Variants in DGKB observed in about 807,000 individuals in gnomAD.
DGKB encodes the protein 90 kDa diacylglycerol kinase.
Under a neutral mutation model 114.3 loss-of-function variants are expected in DGKB, and 67 were observed. The observed-to-expected ratio is 0.59, with a 90% CI of 0.48 to 0.72. DGKB has a LOEUF of 0.72. Ranked by LOEUF, DGKB falls within the 30% of genes least tolerant of loss-of-function variation. The probability of loss-of-function intolerance (pLI) is 0.00; values close to 1 mark genes in which losing one functional copy is unlikely to be tolerated. For missense variants in DGKB, 907 were observed against 975.2 expected, an observed-to-expected ratio of 0.93 and a Z score of 0.93; for synonymous variants, 398 against 323.1, an observed-to-expected ratio of 1.23 and a Z score of -2.49.
At chr7:14,474,201 T>C (rs1023248436) in intron 21 of DGKB, among the ~76,000 whole-genome samples, 7 of 152,108 alleles carry the variant, frequency 4.6e-5, no homozygotes, top group Non-Finnish European at 8.8e-5. Context: ...TGGGGGTAAG[T>C]TTTTCCCATG....
chr7:14,264,557 T>C (rs1374461554), intron 23 of DGKB, among the ~76,000 whole-genome samples: 1 of 152,138 alleles, frequency 6.6e-6, no homozygotes, highest in African/African-American at 2.4e-5. Context: ...GGCCTAAACC[T>C]TAAGAAAGTC....
At chr7:14,971,073 C>T (rs1381152424) in intron 1 of DGKB, among the ~76,000 whole-genome samples, 1 of 152,114 alleles carries the variant, frequency 6.6e-6, no homozygotes, top group African/African-American at 2.4e-5. Flanking sequence ...ACAATGAAAA[C>T]AGAACTAAGT....
At chr7:14,361,334 A>C (rs1815699890) in intron 21 of DGKB, among the ~76,000 whole-genome samples, 1 of 152,064 alleles carries the variant, frequency 6.6e-6, no homozygotes, top group Non-Finnish European at 1.5e-5. Flanking sequence ...AATGATAAGA[A>C]ATAAGAATCG....
At position 14,451,545 on chromosome 7, in the gene DGKB, G is replaced by GTCTCTCTCTCTCTC. The variant is rs34641587; in HGVS notation, c.1835+26602_1835+26615dup. On this transcript the variant is annotated intron_variant, in intron 21 of 25. Transcript: ENST00000402815. The stretch of plus-strand genomic sequence containing the variant: ...TTCCTTATAATAAATCTCTCTATCT[G>GTCTCTCTCTCTCTC]TCTCTCTCTCTCTCTCTCTCTCTCT... Among the ~76,000 whole-genome samples the GTCTCTCTCTCTCTC allele has an allele frequency of 1.9e-3, 270 of 141,158 alleles. 8 individuals are homozygous for GTCTCTCTCTCTCTC. Among genetic ancestry groups the GTCTCTCTCTCTCTC allele is most frequent in the Admixed American group, 0.016 (222 of 14,010 alleles). 92.6% of individuals were successfully genotyped at this position (141,158 alleles called of 152,430 possible). A position where few individuals can be genotyped will look rare whatever the true frequency, so the allele number is the denominator to read the frequency against.
intron 23 of DGKB, among the ~76,000 whole-genome samples, chr7:14,187,874 G>A (rs1783678631): frequency 6.6e-6 from 1 of 151,932 alleles, no homozygotes; most frequent in African/African-American, 2.4e-5. Flanking sequence ...TATAATATCT[G>A]AAAAATAAAT....
chr7:14,520,877 T>C (rs1789659044), intron 20 of DGKB, among the ~76,000 whole-genome samples: 2 of 152,110 alleles, frequency 1.3e-5, no homozygotes, highest in Non-Finnish European at 2.9e-5. Flanking sequence ...GGAAGGTCTG[T>C]CCTCAGAGAT....
chr7:14,952,147 G>C (rs1174621365), intron 1 of DGKB, among the ~76,000 whole-genome samples: 1 of 152,052 alleles, frequency 6.6e-6, no homozygotes, highest in African/African-American at 2.4e-5. Context: ...AATGCTATGT[G>C]AAGAATGGAG....
intron 20 of DGKB, among the ~76,000 whole-genome samples, chr7:14,573,640 C>T (rs1449170180): frequency 6.6e-6 from 1 of 151,762 alleles, no homozygotes; most frequent in Non-Finnish European, 1.5e-5. Context: ...AAAATTATTC[C>T]TTTAGGATTA....
intron 4 of DGKB, among the ~76,000 whole-genome samples, chr7:14,745,124 G>A (rs1005187255): frequency 1.3e-5 from 2 of 152,144 alleles, no homozygotes; most frequent in Non-Finnish European, 2.9e-5. Context: ...ATCTGGGCAT[G>A]CTGACAGCCT....
At chr7:14,774,774 G>A (rs1387317818) in intron 2 of DGKB, among the ~76,000 whole-genome samples, 5 of 152,120 alleles carry the variant, frequency 3.3e-5, no homozygotes, top group Admixed American at 1.3e-4. Context: ...AAAAAACAAT[G>A]TGTTATTGTT....
chr7:14,259,028 A>G (rs1785606629), intron 23 of DGKB, among the ~76,000 whole-genome samples: 1 of 152,150 alleles, frequency 6.6e-6, no homozygotes, highest in African/African-American at 2.4e-5. Context: ...AATAGATTCA[A>G]AGCAACCATT....
intron 1 of DGKB, among the ~76,000 whole-genome samples, chr7:14,968,288 C>T (rs990899031): frequency 2.0e-5 from 3 of 151,646 alleles, no homozygotes; most frequent in Non-Finnish European, 4.4e-5. Context: ...GGCTTTAGAA[C>T]ATTTGATTTG....
At chr7:14,540,074 A>G (rs919968005) in intron 20 of DGKB, among the ~76,000 whole-genome samples, 1 of 152,160 alleles carries the variant, frequency 6.6e-6, no homozygotes, top group South Asian at 2.1e-4. Context: ...ATATTTATTA[A>G]CATGCACAGA....
intron 23 of DGKB, among the ~76,000 whole-genome samples, chr7:14,232,666 A>G (rs1226936573): frequency 6.6e-6 from 1 of 152,076 alleles, no homozygotes; most frequent in Non-Finnish European, 1.5e-5. Flanking sequence ...AAGCAAAAAA[A>G]CTAACTTTTT....
intron 23 of DGKB, among the ~76,000 whole-genome samples, chr7:14,262,436 A>C (rs1796920423): frequency 6.6e-6 from 1 of 152,190 alleles, no homozygotes. Context: ...CAATGAAAAG[A>C]AGCTGTGTCT....
rs1461245319 is a variant in DGKB, at chr7:14,744,642, G to A, written c.169-8448C>T. On this transcript the variant is annotated intron_variant, in intron 4 of 25. Transcript: ENST00000402815. ...TTCCATCAAAAGCAATTTTAAAAGT[G>A]TATGTAAGAATAATTATTCTTGCTG... 2.6e-5 allele frequency among the ~76,000 whole-genome samples: 4 copies of A among 152,190 alleles called. No homozygotes were observed. In the East Asian group the frequency reaches 5.8e-4, roughly 22 times the overall value.
At chr7:14,247,329 T>C (rs1794631812) in intron 23 of DGKB, among the ~76,000 whole-genome samples, 1 of 152,184 alleles carries the variant, frequency 6.6e-6, no homozygotes, top group Non-Finnish European at 1.5e-5. Flanking sequence ...AGTACAGATA[T>C]TTCTTCAACA....
At chr7:14,489,303 T>C (rs935352589) in intron 20 of DGKB, among the ~76,000 whole-genome samples, 2 of 152,222 alleles carry the variant, frequency 1.3e-5, no homozygotes, top group Non-Finnish European at 2.9e-5. Flanking sequence ...AATTGAGAAA[T>C]CAAGTCAATG....
chr7:14,878,462 T>C (rs1285596700), intron 1 of DGKB, among the ~76,000 whole-genome samples: 1 of 151,984 alleles, frequency 6.6e-6, no homozygotes, highest in African/African-American at 2.4e-5. Context: ...TATCAAAGAG[T>C]TGGCCAGGCA....
Sources: allele counts gnomAD v4.1 joint callset (sites outside exome capture counted in the v4.1 genomes callset), GRCh38; gene constraint gnomAD v4.1.1; transcripts MANE v1.5; gene names NCBI Gene and HGNC (gene_info 2026-07-23, HGNC 2026-07-21).